TMEM38A: variants seen among roughly 807,000 people sequenced by gnomAD.
The protein encoded by TMEM38A is transmembrane protein 38A.
A neutral mutation model predicts 28.6 loss-of-function variants in TMEM38A; 17 were observed. The observed-to-expected ratio is 0.60, with a 90% confidence interval of 0.41 to 0.89. The LOEUF is 0.89. TMEM38A is among the 40% of genes least tolerant of loss of function. The pLI is 0.00. For synonymous variants in TMEM38A, 169 were observed against 166.1 expected (o/e 1.02, Z -0.14); for missense variants, 328 against 393.1 (o/e 0.83, Z 1.40).
chr19:16,671,200 G>GTTTTTTT (rs1568313636), intron 1 of TMEM38A, among the ~76,000 whole-genome samples: 1 of 112,910 alleles, frequency 8.9e-6, no homozygotes, highest in Admixed American at 8.5e-5. Flanking sequence ...AAGGACCTGG[G>GTTTTTTT]CTTTTTTTTT....
rs3033525 is a variant in TMEM38A, at chr19:16,689,003, C to CAA, written c.*648_*649dup. 2,426 of 142,416 alleles carry CAA rather than the reference C, an allele frequency of 0.017. 27 individuals carry two copies. Among genetic ancestry groups the CAA allele is most frequent in the Admixed American group, 0.026 (365 of 13,934 alleles). The allele number at this position is 142,416 out of a possible 1,614,324, so 8.8% of individuals were successfully genotyped here. A position where few individuals can be genotyped will look rare whatever the true frequency, so the allele number is the denominator to read the frequency against. On this transcript the variant is annotated 3_prime_UTR_variant, in exon 6 of 6. Transcript: ENST00000187762. ...ACCTGTCTCCAGCAAGACCCTGTCT[C>CAA]AAAAAAAAAAAAAAAAATTGCATAT...
intron 1 of TMEM38A, among the ~76,000 whole-genome samples, chr19:16,677,511 A>T (rs1282736664): frequency 1.4e-5 from 2 of 142,354 alleles, no homozygotes; most frequent in Admixed American, 6.9e-5. Flanking sequence ...ATTAGAAAAA[A>T]TTTTTTGTAG....
intron 1 of TMEM38A, among the ~76,000 whole-genome samples, chr19:16,675,904 C>T (rs117914510): frequency 7.9e-5 from 12 of 152,006 alleles, no homozygotes; most frequent in South Asian, 2.1e-4. Context: ...CCCAAAGGCC[C>T]GACCTCCTAA....
At chr19:16,680,602 GA>G in intron 3 of TMEM38A, 21 bp downstream of exon 3, 1 of 1,605,252 alleles carries the variant, frequency 6.2e-7, no homozygotes, top group Non-Finnish European at 8.5e-7. Context: ...TGATGACAAT[GA>G]AAAATCATCC....
chr19:16,683,043 G>A (rs994690373), intron 4 of TMEM38A, among the ~76,000 whole-genome samples: 13 of 152,038 alleles, frequency 8.6e-5, no homozygotes, highest in Non-Finnish European at 1.5e-4. Context: ...GCATGATCTC[G>A]GCTCACTGCA....
chr19:16,676,567 T>C (rs974072883), intron 1 of TMEM38A, among the ~76,000 whole-genome samples: 1 of 152,046 alleles, frequency 6.6e-6, no homozygotes, highest in Non-Finnish European at 1.5e-5. Flanking sequence ...ATCAATATGA[T>C]GAAAGAAGTG....
intron 5 of TMEM38A, among the ~76,000 whole-genome samples, chr19:16,686,775 C>A (rs2086803838): frequency 6.6e-6 from 1 of 152,140 alleles, no homozygotes; most frequent in Non-Finnish European, 1.5e-5. Context: ...GTTGACATCA[C>A]CCCACCCAGG....
At chr19:16,672,413 G>C (rs547197940) in intron 1 of TMEM38A, among the ~76,000 whole-genome samples, 2 of 145,732 alleles carry the variant, frequency 1.4e-5, no homozygotes, top group African/African-American at 5.2e-5. Context: ...AACGATAGCT[G>C]ATGAGCTTAA....
At position 16,670,796 on chromosome 19, in the gene TMEM38A, G is replaced by A. The variant is rs560217928; in HGVS notation, c.125-9188G>A. Reference sequence around the variant, plus strand: ...TCTACTAAAAATACAAAAGTTAGCCGGGCCTGGTGGCGGGTGCCTGTAATC... The same window carrying A: ...TCTACTAAAAATACAAAAGTTAGCCAGGCCTGGTGGCGGGTGCCTGTAATC... On this transcript the variant is annotated intron_variant, in intron 1 of 5. Transcript: ENST00000187762. 1.4e-4 allele frequency among the ~76,000 whole-genome samples: 21 copies of A among 152,138 alleles called. No individual in the cohort carries two copies. The East Asian group carries it at 2.5e-3, about 18-fold the overall frequency.
At chr19:16,663,967 A>T (rs2086693156) in intron 1 of TMEM38A, among the ~76,000 whole-genome samples, 1 of 151,970 alleles carries the variant, frequency 6.6e-6, no homozygotes, top group African/African-American at 2.4e-5. Context: ...TCCTCCTTTC[A>T]TAACTGGGGA....
At chr19:16,670,426 T>C (rs2086722272) in intron 1 of TMEM38A, among the ~76,000 whole-genome samples, 1 of 151,986 alleles carries the variant, frequency 6.6e-6, no homozygotes, top group Admixed American at 6.6e-5. Context: ...AGGCATGAGC[T>C]ACCGTGCCCA....
At position 16,689,234 on chromosome 19, in the gene TMEM38A, A is replaced by G. The variant is rs1247156158; in HGVS notation, c.*863A>G. On this transcript the variant is annotated 3_prime_UTR_variant, in exon 6 of 6. Coordinates refer to ENST00000187762, the MANE Select transcript of TMEM38A (RefSeq NM_024074.4). ...TCCTCCTCTGAGCTTGGCGCTCCCC[A>G]TCTGTATAGTGGAGACCCTTGGCCC... is the stretch of plus-strand genomic sequence containing the variant. The G allele has an allele frequency of 1.3e-5, 2 of 152,086 alleles. No individual in the cohort carries two copies. The highest frequency in any genetic ancestry group is 2.9e-5 in the Non-Finnish European group (2 of 68,080). 9.4% of individuals were successfully genotyped at this position (152,086 alleles called of 1,614,324 possible). A position where few individuals can be genotyped will look rare whatever the true frequency, so the allele number is the denominator to read the frequency against.
Position 16,661,271 on chromosome 19 carries a change from G to C in TMEM38A, c.54G>C (p.Arg18=), listed in dbSNP as rs1221442054. The C allele has an allele frequency of 7.5e-6, 12 of 1,598,134 alleles. No individual in the cohort carries two copies. The highest frequency in any genetic ancestry group is 1.0e-5 in the Non-Finnish European group (12 of 1,173,086). ...SLGELALSFS[R]VPLFPVFDLS... The stretch of plus-strand genomic sequence containing the variant: ...GCGAACTGGCGCTCAGCTTCTCGCG[G>C]GTGCCGCTCTTCCCCGTCTTCGACC... Residue 18 remains arginine, a synonymous_variant, in exon 1 of 6, where the codon CGG becomes CGC. Transcript: ENST00000187762. This position sits in a 1 kb window ranked among gnomAD's most constrained non-coding sequence, Gnocchi z 6.5.
chr19:16,680,426 T>C lies in TMEM38A; in HGVS notation c.311T>C (p.Leu104Pro). ...WYLIFFCPLD[L>P]FYKCVCFLPV... ...TTGATTTTCTTCTGCCCCCTGGACC[T>C]CTTCTACAAGTGTGTCTGCTTCCTG... is the stretch of plus-strand genomic sequence containing the variant. The change falls in exon 3 of 6, where the codon CTC (leucine) becomes CCC (proline). Residue 104 changes from leucine (L) to proline (P), a missense_variant. Leu to Pro is a moderately conservative substitution (Grantham distance 98, BLOSUM62 -3). Coordinates refer to ENST00000187762, the MANE Select transcript of TMEM38A (RefSeq NM_024074.4). 1 of 1,614,136 alleles carries C rather than the reference T, an allele frequency of 6.2e-7. No individual in the cohort carries two copies. Among genetic ancestry groups the C allele is most frequent in the South Asian group, 1.1e-5 (1 of 91,078 alleles).
Position 16,688,471 on chromosome 19 carries a change from C to A in TMEM38A, c.*100C>A. The A allele has an allele frequency of 1.0e-6, 1 of 974,938 alleles. No individual in the cohort carries two copies. Among genetic ancestry groups the A allele is most frequent in the Non-Finnish European group, 1.4e-6 (1 of 717,758 alleles). 60.4% of individuals were successfully genotyped at this position (974,938 alleles called of 1,614,324 possible). A position where few individuals can be genotyped will look rare whatever the true frequency, so the allele number is the denominator to read the frequency against. Reference sequence around the variant, plus strand: ...ATCTATCCTTTCCTGGCCTTGACTTCCCCATCTGCAAATCAGGGTCATTGG... The same window carrying A: ...ATCTATCCTTTCCTGGCCTTGACTTACCCATCTGCAAATCAGGGTCATTGG... On this transcript the variant is annotated 3_prime_UTR_variant, in exon 6 of 6. Transcript: ENST00000187762.
intron 1 of TMEM38A, among the ~76,000 whole-genome samples, chr19:16,671,630 A>G (rs371903206): frequency 6.6e-6 from 1 of 151,938 alleles, no homozygotes; most frequent in Non-Finnish European, 1.5e-5. Flanking sequence ...AGGTTTTGCC[A>G]TGTTGCCCAG....
chr19:16,675,193 C>T (rs2086744990), intron 1 of TMEM38A, among the ~76,000 whole-genome samples: 1 of 152,100 alleles, frequency 6.6e-6, no homozygotes, highest in Non-Finnish European at 1.5e-5. Context: ...CTTGTGTCCT[C>T]ATATGGTAGA....
At chr19:16,674,767 C>T (rs1377513107) in intron 1 of TMEM38A, among the ~76,000 whole-genome samples, 1 of 152,018 alleles carries the variant, frequency 6.6e-6, no homozygotes, top group Non-Finnish European at 1.5e-5. Context: ...CCATTGAACT[C>T]CAGCCTGCGC....
At chr19:16,685,051 T>TAAATAAATAAAC (rs2086796306) in intron 4 of TMEM38A, among the ~76,000 whole-genome samples, 2 of 137,306 alleles carry the variant, frequency 1.5e-5, no homozygotes, top group African/African-American at 3.1e-5. Context: ...CCTGTCTCTG[T>TAAATAAATAAAC]AAATAAATAA....
Sources: gnomAD v4.1 joint callset for allele counts (sites outside exome capture counted in the v4.1 genomes callset) on GRCh38, gnomAD v4.1.1 for gene constraint, Gnocchi (gnomAD v3.1) non-coding constraint, MANE v1.5 for transcripts, NCBI Gene and HGNC (gene_info 2026-07-23, HGNC 2026-07-21) for gene names.